RCAN2: variants seen among roughly 807,000 people sequenced by gnomAD.
RCAN2 encodes the protein calcipressin-2.
Under a neutral mutation model 23.6 loss-of-function variants are expected in RCAN2, and 9 were observed. The ratio of observed to expected loss-of-function variants is 0.38; its 90% confidence interval spans 0.23 to 0.67. The LOEUF (loss-of-function observed/expected upper bound fraction) is 0.67, where lower values mean the gene tolerates loss of function less well. RCAN2 is among the 30% of genes least tolerant of loss of function. The pLI, the probability that RCAN2 is intolerant of heterozygous loss-of-function variation, is 0.51. For synonymous variants in RCAN2, 109 were observed against 115.7 expected, an observed-to-expected ratio of 0.94 and a Z score of 0.37; for missense variants, 273 against 302.3, an observed-to-expected ratio of 0.90 and a Z score of 0.72.
chr6:46,417,844 A>G (rs1177720374), intron 2 of RCAN2, among the ~76,000 whole-genome samples: 1 of 152,254 alleles, frequency 6.6e-6, no homozygotes, highest in African/African-American at 2.4e-5. Flanking sequence ...GTGCCAGGTA[A>G]TTTACACACA....
intron 2 of RCAN2, among the ~76,000 whole-genome samples, chr6:46,375,275 T>C (rs560420236): frequency 6.6e-6 from 1 of 152,316 alleles, no homozygotes; most frequent in East Asian, 1.9e-4. Context: ...ATTCATGAGG[T>C]TCCATAAAGA....
intron 2 of RCAN2, among the ~76,000 whole-genome samples, chr6:46,424,913 C>G (rs1766992606): frequency 1.3e-5 from 2 of 151,972 alleles, no homozygotes; most frequent in South Asian, 4.2e-4. Flanking sequence ...TGTTATAAGC[C>G]CTGGGCATAG....
At chr6:46,271,172 A>G (rs914574829) in intron 2 of RCAN2, among the ~76,000 whole-genome samples, 39 of 152,176 alleles carry the variant, frequency 2.6e-4, no homozygotes, top group African/African-American at 8.7e-4. Context: ...CTGTCCATCC[A>G]TCTATTTAAT....
At chr6:46,293,720 G>A (rs894024279) in intron 2 of RCAN2, among the ~76,000 whole-genome samples, 5 of 152,130 alleles carry the variant, frequency 3.3e-5, no homozygotes, top group African/African-American at 1.2e-4. Flanking sequence ...ATACAGTGTG[G>A]TGAGGGGTAT....
chr6:46,491,007 A>ACCCCCG (rs1414121825), intron 1 of RCAN2, among the ~76,000 whole-genome samples, 166 bp downstream of exon 1: 20 of 78,596 alleles, frequency 2.5e-4, no homozygotes, highest in Non-Finnish European at 3.6e-4. Context: ...CACTGCCCCC[A>ACCCCCG]CCCCCGCCAC....
chr6:46,418,523 G>T (rs190908909), intron 2 of RCAN2, among the ~76,000 whole-genome samples: 61 of 151,424 alleles, frequency 4.0e-4, no homozygotes, highest in African/African-American at 1.3e-3. Context: ...TGTCATTCTC[G>T]TCTGACCAGT....
At chr6:46,325,339 T>C in intron 2 of RCAN2, 3 of 1,602,052 alleles carry the variant, frequency 1.9e-6, no homozygotes, top group Non-Finnish European at 2.6e-6. Context: ...AAAAAGGCTC[T>C]GCCAAGCAGC....
In RCAN2 at chr6:46,220,887, A is replaced by C. The variant is rs990217601; in HGVS notation, c.*2254T>G. 1.3e-5 allele frequency: 2 copies of C among 152,740 alleles called. No homozygotes were observed. Among genetic ancestry groups the C allele is most frequent in the African/African-American group, 4.8e-5 (2 of 41,448 alleles). 9.5% of individuals were successfully genotyped at this position (152,740 alleles called of 1,614,324 possible). On this transcript the variant is annotated 3_prime_UTR_variant, in exon 5 of 5. Transcript: ENST00000371374. ...GAGATTTGCATAATGTGCGTCATGGAAATGCTGAGGCGATTCTGACTTTCA... is the reference window on the plus strand; with the variant it reads ...GAGATTTGCATAATGTGCGTCATGGCAATGCTGAGGCGATTCTGACTTTCA...
At chr6:46,353,350 T>G in intron 2 of RCAN2, among the ~76,000 whole-genome samples, 1 of 151,718 alleles carries the variant, frequency 6.6e-6, no homozygotes, top group Non-Finnish European at 1.5e-5. Flanking sequence ...GCTTTTTGGG[T>G]GTGGGGGAGG....
At chr6:46,327,245 G>A (rs540346337) in intron 2 of RCAN2, among the ~76,000 whole-genome samples, 2 of 152,292 alleles carry the variant, frequency 1.3e-5, no homozygotes, top group South Asian at 2.1e-4. Context: ...TGGAGAAAGA[G>A]CAATGAATGC....
chr6:46,304,209 T>C (rs1762994795), intron 2 of RCAN2, among the ~76,000 whole-genome samples: 1 of 152,126 alleles, frequency 6.6e-6, no homozygotes, highest in South Asian at 2.1e-4. Context: ...TTCTTGCCAT[T>C]TGGATATCTT....
rs77390732 is a variant in RCAN2 at position 46,401,164 on chromosome 6, G to A, written c.225+55588C>T. Reference sequence around the variant, plus strand: ...GGTTGAACATTCTGGGAAAGTTACTGCTTCTTCTGTTCACTCACAAAACTC... The same window carrying A: ...GGTTGAACATTCTGGGAAAGTTACTACTTCTTCTGTTCACTCACAAAACTC... On this transcript the variant is annotated intron_variant, in intron 2 of 4. Transcript: ENST00000371374. Among the ~76,000 whole-genome samples, 773 of 152,288 alleles carry A rather than the reference G, an allele frequency of 5.1e-3. 6 individuals are homozygous for A. The highest frequency in any genetic ancestry group is 0.018 in the African/African-American group (738 of 41,550).
chr6:46,394,289 A>C lies in RCAN2; in HGVS notation c.225+62463T>G, dbSNP rs147691487. Among the ~76,000 whole-genome samples, 969 of 152,334 alleles carry C rather than the reference A, an allele frequency of 6.4e-3. 12 individuals are homozygous for C. The highest frequency in any genetic ancestry group is 0.023 in the African/African-American group (942 of 41,576). ...CTGGACACGAAGGTGCTTGAAATAC[A>C]AAGGTCTTAACTGAAGGACATCAGA... is the stretch of plus-strand genomic sequence containing the variant. On this transcript the variant is annotated intron_variant, in intron 2 of 4. Coordinates refer to ENST00000371374, the MANE Select transcript of RCAN2 (RefSeq NM_001251974.2).
intron 4 of RCAN2, among the ~76,000 whole-genome samples, chr6:46,234,994 A>G (rs1391771413): frequency 1.3e-5 from 2 of 152,186 alleles, no homozygotes; most frequent in Non-Finnish European, 1.5e-5. Flanking sequence ...ACTTGCCACA[A>G]TTGCAGAGAA....
chr6:46,310,273 A>C (rs1763212629), intron 2 of RCAN2, among the ~76,000 whole-genome samples: 1 of 152,134 alleles, frequency 6.6e-6, no homozygotes, highest in Non-Finnish European at 1.5e-5. Flanking sequence ...CAAGCAGAAA[A>C]GCAGAAGGTT....
intron 2 of RCAN2, among the ~76,000 whole-genome samples, chr6:46,357,885 C>T (rs575511425): frequency 2.6e-5 from 4 of 152,298 alleles, no homozygotes; most frequent in African/African-American, 9.6e-5. Context: ...TCGCTTTCAC[C>T]TTGTCCAGGG....
At chr6:46,378,125 T>C (rs1025934099) in intron 2 of RCAN2, among the ~76,000 whole-genome samples, 10 of 152,226 alleles carry the variant, frequency 6.6e-5, no homozygotes, top group African/African-American at 2.4e-4. Flanking sequence ...GCCATTCATT[T>C]GCTAATCGTG....
intron 2 of RCAN2, among the ~76,000 whole-genome samples, chr6:46,382,510 A>T (rs1373296256): frequency 6.6e-6 from 1 of 152,234 alleles, no homozygotes; most frequent in Non-Finnish European, 1.5e-5. Flanking sequence ...GAACTCAGGC[A>T]AATGTAACAG....
intron 2 of RCAN2, among the ~76,000 whole-genome samples, chr6:46,303,076 A>G (rs1762957141): frequency 6.6e-6 from 1 of 152,018 alleles, no homozygotes; most frequent in African/African-American, 2.4e-5. Flanking sequence ...TGGTGGTGGT[A>G]CAGGAACTGC....
Sources: allele counts gnomAD v4.1 joint callset (sites outside exome capture counted in the v4.1 genomes callset), GRCh38; gene constraint gnomAD v4.1.1; transcripts MANE v1.5; gene names NCBI Gene and HGNC (gene_info 2026-07-23, HGNC 2026-07-21).